Variants in ROR1 observed in about 807,000 individuals in gnomAD.
The protein encoded by ROR1 is inactive tyrosine-protein kinase transmembrane receptor ROR1.
In ROR1, 19 loss-of-function variants were observed where a neutral mutation model predicts 78.8. That is an observed-to-expected ratio of 0.24 (90% confidence interval 0.17 to 0.35). The LOEUF (loss-of-function observed/expected upper bound fraction) is 0.35. Ranked by LOEUF, ROR1 falls within the 10% of genes least tolerant of loss-of-function variation. ROR1 has a pLI of 1.00. For synonymous variants in ROR1, 386 were observed against 433.6 expected, an observed-to-expected ratio of 0.89 and a Z score of 1.36; for missense variants, 917 against 1,177.8, an observed-to-expected ratio of 0.78 and a Z score of 3.24.
intron 2 of ROR1, among the ~76,000 whole-genome samples, chr1:64,016,204 C>A (rs1371129228): frequency 6.6e-6 from 1 of 152,076 alleles, no homozygotes; most frequent in Non-Finnish European, 1.5e-5. Context: ...GCTGCATTAC[C>A]CATTTTGAGA....
chr1:63,815,700 C>A (rs867457293), intron 1 of ROR1, among the ~76,000 whole-genome samples: 1 of 152,006 alleles, frequency 6.6e-6, no homozygotes, highest in South Asian at 2.1e-4. Context: ...GATGATGGAT[C>A]TGTGGGAGCT....
At chr1:64,059,252 T>C (rs887271241) in intron 4 of ROR1, among the ~76,000 whole-genome samples, 1 of 152,214 alleles carries the variant, frequency 6.6e-6, no homozygotes, top group South Asian at 2.1e-4. Context: ...GGCAAAGAAC[T>C]AACTTTCGTT....
chr1:63,784,528 G>T (rs1450750344), intron 1 of ROR1, among the ~76,000 whole-genome samples: 2 of 152,196 alleles, frequency 1.3e-5, no homozygotes, highest in Non-Finnish European at 2.9e-5. Flanking sequence ...TCTGTAACCT[G>T]GGAAAATTTA....
intron 1 of ROR1, among the ~76,000 whole-genome samples, chr1:63,965,390 C>T (rs923940980): frequency 2.0e-5 from 3 of 152,180 alleles, no homozygotes; most frequent in South Asian, 2.1e-4. Context: ...CTGGTTACTA[C>T]GATGAAGAGT....
At chr1:63,912,175 A>G (rs1323555918) in intron 1 of ROR1, among the ~76,000 whole-genome samples, 4 of 151,686 alleles carry the variant, frequency 2.6e-5, no homozygotes, top group Admixed American at 6.6e-5. Flanking sequence ...GCATGTGTCT[A>G]TAGTTCCAGC....
At chr1:63,903,092 G>A (rs1349995809) in intron 1 of ROR1, among the ~76,000 whole-genome samples, 1 of 152,154 alleles carries the variant, frequency 6.6e-6, no homozygotes, top group African/African-American at 2.4e-5. Context: ...AGGGAGGCTG[G>A]AAAAAGCTTT....
chr1:63,835,454 G>A (rs188633674), intron 1 of ROR1, among the ~76,000 whole-genome samples: 1 of 152,334 alleles, frequency 6.6e-6, no homozygotes, highest in East Asian at 1.9e-4. Context: ...AGGGGCTGCA[G>A]AGATGAGTAA....
chr1:63,999,609 AT>A (rs201037406), intron 1 of ROR1, among the ~76,000 whole-genome samples: 3,032 of 152,238 alleles, frequency 0.02, 42 homozygotes, highest in Non-Finnish European at 0.03. Flanking sequence ...AACTGTCTCA[AT>A]TTTGTTCACC....
intron 2 of ROR1, among the ~76,000 whole-genome samples, chr1:64,033,144 T>C (rs963544004): frequency 5.3e-5 from 8 of 152,122 alleles, no homozygotes; most frequent in Non-Finnish European, 1.2e-4. Context: ...TTTACCACAG[T>C]TTTCAGAAAG....
At chr1:63,821,513 A>T (rs889752282) in intron 1 of ROR1, among the ~76,000 whole-genome samples, 7 of 152,222 alleles carry the variant, frequency 4.6e-5, no homozygotes, top group Non-Finnish European at 1.0e-4. Context: ...TGGGAAACTG[A>T]GAGCACCCGT....
At chr1:63,861,874 A>C (rs903587406) in intron 1 of ROR1, among the ~76,000 whole-genome samples, 1 of 152,094 alleles carries the variant, frequency 6.6e-6, no homozygotes, top group Non-Finnish European at 1.5e-5. Flanking sequence ...ATAATATAGG[A>C]CTTTAGAGTG....
intron 1 of ROR1, among the ~76,000 whole-genome samples, chr1:63,973,460 A>G (rs1306625833): frequency 1.3e-5 from 2 of 152,186 alleles, no homozygotes; most frequent in Non-Finnish European, 2.9e-5. Context: ...TGTAAAGAAG[A>G]CCTCAGAAAA....
chr1:63,994,141 T>C (rs1387039103), intron 1 of ROR1, among the ~76,000 whole-genome samples: 2 of 152,196 alleles, frequency 1.3e-5, no homozygotes, highest in African/African-American at 4.8e-5. Context: ...ACCACTTACA[T>C]TTCCTTATCT....
chr1:63,844,424 T>A (rs1411717465), intron 1 of ROR1, among the ~76,000 whole-genome samples: 1 of 152,194 alleles, frequency 6.6e-6, no homozygotes, highest in Non-Finnish European at 1.5e-5. Context: ...GCTGTAAATA[T>A]CTACTAATAA....
chr1:64,073,579 G>T (rs1200334660), intron 4 of ROR1, among the ~76,000 whole-genome samples: 2 of 152,242 alleles, frequency 1.3e-5, no homozygotes, highest in Middle Eastern at 3.4e-3. Flanking sequence ...TTGAGTGCTT[G>T]GCTCTGTAAT....
intron 2 of ROR1, among the ~76,000 whole-genome samples, chr1:64,028,021 G>A (rs1014407505): frequency 6.6e-6 from 1 of 152,114 alleles, no homozygotes; most frequent in Non-Finnish European, 1.5e-5. Context: ...TGATATGGCT[G>A]TTGGCAGGAA....
intron 1 of ROR1, among the ~76,000 whole-genome samples, chr1:63,883,287 A>G (rs1050693729): frequency 6.6e-6 from 1 of 152,124 alleles, no homozygotes; most frequent in Non-Finnish European, 1.5e-5. Flanking sequence ...AACATCTATA[A>G]ATTTGAGCCC....
intron 1 of ROR1, among the ~76,000 whole-genome samples, chr1:63,874,288 C>T (rs183245012): frequency 5.3e-5 from 8 of 152,252 alleles, no homozygotes; most frequent in African/African-American, 1.7e-4. Flanking sequence ...GTCAAATTCT[C>T]AATGTAAAAG....
chr1:64,012,011 T>C (rs546818477), intron 2 of ROR1, among the ~76,000 whole-genome samples: 46 of 152,182 alleles, frequency 3.0e-4, no homozygotes, highest in African/African-American at 1.1e-3. Flanking sequence ...GAGATACTAG[T>C]GAAATATACA....
Sources: allele counts gnomAD v4.1 joint callset (sites outside exome capture counted in the v4.1 genomes callset), GRCh38; gene constraint gnomAD v4.1.1; transcripts MANE v1.5; gene names NCBI Gene and HGNC (gene_info 2026-07-23, HGNC 2026-07-21).